The following MGAM variants were observed in gnomAD, a reference collection of about 807,000 sequenced individuals.
MGAM encodes alpha-1,4-glucosidase.
In MGAM, 253 loss-of-function variants were observed where a neutral mutation model predicts 358.8. That is an observed-to-expected ratio of 0.71 (90% CI 0.64 to 0.78). MGAM has a LOEUF of 0.78. MGAM is among the 30% of genes least tolerant of loss of function. The pLI, the probability that MGAM is intolerant of heterozygous loss-of-function variation, is 0.00. For synonymous variants in MGAM, 1,105 were observed against 1,227.1 expected (o/e 0.90, Z 2.08); for missense variants, 3,080 against 3,432.6 (o/e 0.90, Z 2.57).
At position 142,050,260 on chromosome 7, in the gene MGAM, T is replaced by C; in HGVS notation, c.2613T>C (p.Leu871=). Residue 871 remains leucine (L), a synonymous_variant, in exon 23 of 71, where the codon CTT becomes CTC. Transcript: ENST00000475668. ...TKDTVANKVY[L]LCEFSVTQNR... ...ATACTGTGGCCAATAAAGTGTATCT[T>C]TTATGTGAGTTTTCTGTCACTCAAG... The C allele has an allele frequency of 6.2e-7, 1 of 1,613,740 alleles. No homozygotes were observed. The highest frequency in any genetic ancestry group is 8.5e-7 in the Non-Finnish European group (1 of 1,179,732).
Position 142,082,535 on chromosome 7 carries a change from G to A in MGAM, c.6232G>A (p.Ala2078Thr). Reference sequence around the variant, plus strand: ...CATGGGGCTAGAGGAGGATGGCAGTGCCCATGGAGTGCTCCTGCTGAACAG... The same window carrying A: ...CATGGGGCTAGAGGAGGATGGCAGTACCCATGGAGTGCTCCTGCTGAACAG... ...YYMGLEEDGS[A>T]HGVLLLNSNA... Residue 2078 changes from alanine to threonine, a missense_variant, in exon 52 of 71, where the codon GCC becomes ACC. This residue lies in a region of MGAM where 932 missense variants were observed against 1,198.2 expected (regional missense o/e 0.78). Transcript: ENST00000475668. 1.3e-6 allele frequency: 2 copies of A among 1,531,468 alleles called. 1 individual carries two copies. Among genetic ancestry groups the A allele is most frequent in the East Asian group, 4.7e-5 (2 of 42,814 alleles). The allele number at this position is 1,531,468 out of a possible 1,614,324, so 94.9% of individuals were successfully genotyped here.
At chr7:142,069,958 C>T (rs1053270681) in intron 43 of MGAM, among the ~76,000 whole-genome samples, 1 of 145,530 alleles carries the variant, frequency 6.9e-6, no homozygotes, top group Non-Finnish European at 1.6e-5. Flanking sequence ...CTTTGGGAGG[C>T]CGAGATGGAC....
At position 142,031,688 on chromosome 7, in the gene MGAM, TG is replaced by T; in HGVS notation, c.1481del (p.Gly494AspfsTer28). On this transcript the variant is annotated frameshift_variant, in exon 13 of 71. Transcript: ENST00000475668. LOFTEE classifies it high-confidence loss of function. ...TTCTTTTTCTCCTGAAGGTCTGGCCTGGACAAACTGTGTTTCCTGATTATAC... is the reference window on the plus strand; with the variant it reads ...TTCTTTTTCTCCTGAAGGTCTGGCCTGACAAACTGTGTTTCCTGATTATAC... ...VTPLIGEVWP[G>X]QTVFPDYTNP... 6.2e-7 allele frequency: 1 copy of T among 1,610,556 alleles called. No homozygotes were observed.
At chr7:142,045,146 C>T (rs368269252) in intron 21 of MGAM, among the ~76,000 whole-genome samples, 1,422 of 77,476 alleles carry the variant, frequency 0.018, 31 homozygotes, top group Middle Eastern at 0.093. Flanking sequence ...TATTATATAT[C>T]ATATATGTGA....
At position 142,068,627 on chromosome 7, in the gene MGAM, T is replaced by C; in HGVS notation, c.5005-20T>C. 6.6e-7 allele frequency: 1 copy of C among 1,514,414 alleles called. No individual in the cohort carries two copies. The highest frequency in any genetic ancestry group is 9.1e-7 in the Non-Finnish European group (1 of 1,097,218). The allele number at this position is 1,514,414 out of a possible 1,614,324, so 93.8% of individuals were successfully genotyped here. On this transcript the variant is annotated intron_variant, in intron 42 of 70. Transcript: ENST00000475668. ...TGGAAAATGGTGGCACTGCCTCACC[T>C]TGTTTGTGTTTCATTTTAGAATGCC...
chr7:142,042,038 C>CATACAAT (rs1808819164), intron 21 of MGAM, among the ~76,000 whole-genome samples: 1 of 34,636 alleles, frequency 2.9e-5, no homozygotes, highest in Non-Finnish European at 4.5e-5. Context: ...ATATTATATA[C>CATACAAT]ATATAATATA....
At position 142,088,747 on chromosome 7, in the gene MGAM, G is replaced by GTCTATCTA. The variant is rs60202972; in HGVS notation, c.6810+2077_6810+2084dup. The stretch of plus-strand genomic sequence containing the variant: ...TGTCTGTCTGTCTGTCTGTCTGTCT[G>GTCTATCTA]TCTATCTATCTATCTATCTATCTAT... On this transcript the variant is annotated intron_variant, in intron 57 of 70. Coordinates refer to ENST00000475668, the MANE Select transcript of MGAM (RefSeq NM_001365693.1). Among the ~76,000 whole-genome samples the GTCTATCTA allele has an allele frequency of 5.7e-3, 530 of 93,514 alleles. 37 individuals carry two copies. Among genetic ancestry groups the GTCTATCTA allele is most frequent in the East Asian group, 0.02 (70 of 3,540 alleles). 61.3% of individuals were successfully genotyped at this position (93,514 alleles called of 152,430 possible). A position where few individuals can be genotyped will look rare whatever the true frequency, so the allele number is the denominator to read the frequency against.
rs2129011597 is a variant in MGAM, at chr7:142,040,830, A to G, written c.2482A>G (p.Thr828Ala). ...GYIFPTQQPN[T>A]TTLASRKNPL... ...CATCTTCCCCACACAGCAGCCAAAT[A>G]CAACCACTCTGGCCAGGTATAGCAT... The change falls in exon 21 of 71, where the codon ACA becomes GCA. Residue 828 changes from threonine (T) to alanine (A), a missense_variant. Thr to Ala is a moderately conservative substitution (Grantham distance 58, BLOSUM62 0). Coordinates refer to ENST00000475668, the MANE Select transcript of MGAM (RefSeq NM_001365693.1). The G allele has an allele frequency of 6.2e-7, 1 of 1,611,896 alleles. No homozygotes were observed. Among genetic ancestry groups the G allele is most frequent in the Non-Finnish European group, 8.5e-7 (1 of 1,178,880 alleles).
chr7:142,067,990 T>A lies in MGAM; in HGVS notation c.5004+565T>A, dbSNP rs1435648337. Among the ~76,000 whole-genome samples the A allele has an allele frequency of 5.4e-4, 7 of 13,074 alleles. 1 individual carries two copies. The highest frequency in any genetic ancestry group is 7.6e-4 in the African/African-American group (7 of 9,262). The allele number at this position is 13,074 out of a possible 152,430, so 8.6% of individuals were successfully genotyped here. ...AATATATATATATATATATATATTT[T>A]TTTTTTTTTTTTTTTGAGACAGAGT... On this transcript the variant is annotated intron_variant, in intron 42 of 70. Transcript: ENST00000475668.
Position 142,019,284 on chromosome 7 carries a change from A to T in MGAM, c.413A>T (p.Tyr138Phe). ...PWCYYSKNHS[Y>F]HVEGNLVNTN... ...TGCTACTATTCCAAGAATCATAGCT[A>T]CCATGTAGAGGGCAACCTTGTCAAC... The change falls in exon 4 of 71, where the codon TAC (tyrosine) becomes TTC (phenylalanine). Residue 138 changes from tyrosine (Y) to phenylalanine (F), a missense_variant. This residue lies in a region of MGAM where 1,816 missense variants were observed against 1,840.5 expected (regional missense o/e 0.99). Coordinates refer to ENST00000475668, the MANE Select transcript of MGAM (RefSeq NM_001365693.1). The T allele has an allele frequency of 6.2e-7, 1 of 1,613,586 alleles. No individual in the cohort carries two copies.
rs970139435 is a variant in MGAM at position 142,062,872 on chromosome 7, C to A, written c.4257+170C>A. ...AGGAACTGCCCTGGTAGCCCTCACA[C>A]CTTCTACCAGACCTGACGCTCCTAC... is the stretch of plus-strand genomic sequence containing the variant. On this transcript the variant is annotated intron_variant, in intron 35 of 70. Transcript: ENST00000475668. Among the ~76,000 whole-genome samples, 7 of 152,288 alleles carry A rather than the reference C, an allele frequency of 4.6e-5. No individual in the cohort carries two copies. The South Asian group carries it at 1.4e-3, about 32-fold the overall frequency.
At chr7:142,031,357 T>C (rs1807471065) in intron 12 of MGAM, among the ~76,000 whole-genome samples, 1 of 152,218 alleles carries the variant, frequency 6.6e-6, no homozygotes, top group South Asian at 2.1e-4. Context: ...AGCTGAAATT[T>C]ACACAATGCT....
intron 1 of MGAM, 75 bp from the exon 2 acceptor site, chr7:142,005,454 C>A: frequency 1.8e-6 from 2 of 1,115,348 alleles, no homozygotes; most frequent in Non-Finnish European, 1.2e-6. Context: ...TACATTTGAG[C>A]TTTTCCATTA....
At chr7:142,081,031 A>C (rs181585592) in intron 50 of MGAM, 86 bp downstream of exon 50, 2 of 1,144,012 alleles carry the variant, frequency 1.7e-6, no homozygotes, top group East Asian at 5.2e-5. Context: ...ATCCTGGTTC[A>C]AAACATCACA....
intron 30 of MGAM, among the ~76,000 whole-genome samples, chr7:142,057,160 G>A (rs1811632270): frequency 6.6e-6 from 1 of 152,164 alleles, no homozygotes; most frequent in Non-Finnish European, 1.5e-5. Flanking sequence ...GGTACTAGTG[G>A]TGGTGCTGGT....
chr7:142,096,627 A>G (rs930769584), intron 65 of MGAM, among the ~76,000 whole-genome samples: 4 of 152,226 alleles, frequency 2.6e-5, no homozygotes, highest in African/African-American at 4.8e-5. Context: ...ATTCTGGTTC[A>G]TAGGATGATC....
chr7:141,997,065 C>T (rs1554448949), intron 1 of MGAM, among the ~76,000 whole-genome samples: 1 of 152,162 alleles, frequency 6.6e-6, no homozygotes, highest in Non-Finnish European at 1.5e-5. Context: ...TCTAGCTAGA[C>T]ACACGCAGGC....
chr7:142,036,709 CCT>C (rs1808025827), intron 17 of MGAM, 112 bp from the exon 18 acceptor site: 2 of 1,187,108 alleles, frequency 1.7e-6, no homozygotes, highest in African/African-American at 1.5e-5. Context: ...GCAACCTTGG[CCT>C]CTGTCATTCA....
intron 21 of MGAM, among the ~76,000 whole-genome samples, chr7:142,045,035 T>C (rs569799579): frequency 1.0e-5 from 1 of 100,132 alleles, no homozygotes; most frequent in African/African-American, 3.6e-5. Flanking sequence ...TGTATACACG[T>C]GTAATATATG....
Sources: allele counts gnomAD v4.1 joint callset (sites outside exome capture counted in the v4.1 genomes callset), GRCh38; gene constraint gnomAD v4.1.1; regional missense constraint gnomAD v4.1.1; transcripts MANE v1.5; gene names NCBI Gene and HGNC (gene_info 2026-07-23, HGNC 2026-07-21).